ADAMTS19: variants seen among roughly 807,000 people sequenced by gnomAD.
ADAMTS19 encodes A disintegrin and metalloproteinase with thrombospondin motifs 19.
ADAMTS19 carries 93 observed loss-of-function variants against 153.3 expected under a neutral mutation model. The ratio of observed to expected loss-of-function variants is 0.61; its 90% CI spans 0.51 to 0.72. The LOEUF (loss-of-function observed/expected upper bound fraction) is 0.72. Among genes scored for constraint, ADAMTS19 ranks in the 30% least tolerant of loss-of-function variants. The pLI is 0.00. For synonymous variants in ADAMTS19, 600 were observed against 556.6 expected (o/e 1.08, Z -1.10); for missense variants, 1,482 against 1,552.1 (o/e 0.95, Z 0.76).
intron 21 of ADAMTS19, among the ~76,000 whole-genome samples, chr5:129,721,995 C>T (rs923086924): frequency 6.6e-5 from 10 of 152,224 alleles, no homozygotes; most frequent in African/African-American, 2.4e-4. Flanking sequence ...TTTATCCAAT[C>T]TATCACTGAT....
At chr5:129,602,206 C>G (rs530535037) in intron 8 of ADAMTS19, among the ~76,000 whole-genome samples, 1 of 152,328 alleles carries the variant, frequency 6.6e-6, no homozygotes, top group African/African-American at 2.4e-5. Context: ...GATTCTCCTG[C>G]CTCAGCCTCC....
At chr5:129,560,276 C>G (rs562769402) in intron 7 of ADAMTS19, among the ~76,000 whole-genome samples, 1 of 152,154 alleles carries the variant, frequency 6.6e-6, no homozygotes, top group African/African-American at 2.4e-5. Flanking sequence ...TTAAAGTAGA[C>G]AAGTTTTCAT....
At chr5:129,610,854 G>A (rs1751176237) in intron 8 of ADAMTS19, among the ~76,000 whole-genome samples, 1 of 152,158 alleles carries the variant, frequency 6.6e-6, no homozygotes, top group Non-Finnish European at 1.5e-5. Flanking sequence ...AGATCCCTGA[G>A]GAATCGCCAC....
chr5:129,624,073 G>A (rs1039594403), intron 10 of ADAMTS19, among the ~76,000 whole-genome samples: 55 of 136,960 alleles, frequency 4.0e-4, no homozygotes, highest in African/African-American at 1.3e-3. Context: ...CTTGCAGTGA[G>A]CCGAGAACGC....
chr5:129,650,624 A>T (rs1363556634), intron 13 of ADAMTS19, among the ~76,000 whole-genome samples: 1 of 152,176 alleles, frequency 6.6e-6, no homozygotes, highest in Non-Finnish European at 1.5e-5. Context: ...CAGTCCCTCC[A>T]GTTGTGGCCT....
In ADAMTS19 at chr5:129,461,438, C is replaced by T. The variant is rs944592426; in HGVS notation, c.428C>T (p.Pro143Leu). 5 of 1,423,990 alleles carry T rather than the reference C, an allele frequency of 3.5e-6. No homozygotes were observed. The African/African-American group carries it at 4.5e-5, about 13-fold the overall frequency. 88.2% of individuals were successfully genotyped at this position (1,423,990 alleles called of 1,614,324 possible). ...SGAAALSPGAPASWQPPPPPQ... is the reference protein window; with the variant it reads ...SGAAALSPGALASWQPPPPPQ... The stretch of plus-strand genomic sequence containing the variant: ...GCTGCCGCCTTGTCCCCGGGCGCCC[C>T]GGCCTCGTGGCAGCCGCCGCCTCCC... The change falls in exon 2 of 23, where the codon CCG becomes CTG. Residue 143 changes from proline (P) to leucine (L), a missense_variant. Pro to Leu is a moderately conservative substitution (Grantham distance 98). This residue lies in a region of ADAMTS19 where 866 missense variants were observed against 827.7 expected (regional missense o/e 1.05). Transcript: ENST00000274487. The surrounding 1 kb of genome is among the most constrained non-coding windows in gnomAD (Gnocchi z 4.6).
chr5:129,591,957 C>T (rs1750154629), intron 7 of ADAMTS19, among the ~76,000 whole-genome samples: 1 of 152,118 alleles, frequency 6.6e-6, no homozygotes, highest in African/African-American at 2.4e-5. Flanking sequence ...AGGTGTGTCA[C>T]ATAACATCTG....
chr5:129,704,184 CATCTAT>C lies in ADAMTS19; in HGVS notation c.3160-50_3160-45del, dbSNP rs1756036473. On this transcript the variant is annotated intron_variant, in intron 20 of 22. Transcript: ENST00000274487. Reference sequence around the variant, plus strand: ...GAAACCAGTACTTAATTGAGCCTATCATCTATATCTCCAATTCACCAACTTTATCTA... The same window carrying C: ...GAAACCAGTACTTAATTGAGCCTATCATCTCCAATTCACCAACTTTATCTA... 2.6e-6 allele frequency: 4 copies of C among 1,565,110 alleles called. No individual in the cohort carries two copies. The African/African-American group carries it at 4.1e-5, about 16-fold the overall frequency.
At chr5:129,693,492 T>G (rs1276806427) in intron 18 of ADAMTS19, among the ~76,000 whole-genome samples, 1 of 152,198 alleles carries the variant, frequency 6.6e-6, no homozygotes, top group African/African-American at 2.4e-5. Context: ...TACTTCTTCA[T>G]GATCAATCTG....
intron 14 of ADAMTS19, among the ~76,000 whole-genome samples, chr5:129,655,877 A>AATTT (rs1198321359): frequency 5.3e-5 from 8 of 152,290 alleles, no homozygotes; most frequent in Non-Finnish European, 1.0e-4. Context: ...ACTACATATT[A>AATTT]ATTTATTTTA....
intron 6 of ADAMTS19, among the ~76,000 whole-genome samples, chr5:129,547,848 C>G (rs1003400853): frequency 1.3e-5 from 2 of 150,704 alleles, no homozygotes; most frequent in African/African-American, 5.0e-5. Flanking sequence ...TGGAACAGAA[C>G]AGAGCCCTCA....
chr5:129,474,856 T>G (rs1459672135), intron 2 of ADAMTS19, among the ~76,000 whole-genome samples: 2 of 152,224 alleles, frequency 1.3e-5, no homozygotes, highest in Admixed American at 6.5e-5. Context: ...CATAGGTTCA[T>G]GCGCCAGTTC....
At chr5:129,566,861 T>C (rs1007703214) in intron 7 of ADAMTS19, among the ~76,000 whole-genome samples, 2 of 152,188 alleles carry the variant, frequency 1.3e-5, no homozygotes, top group East Asian at 3.9e-4. Context: ...CCCATGAGGA[T>C]GGGGTAGACG....
At chr5:129,714,435 A>G (rs1269864865) in intron 21 of ADAMTS19, among the ~76,000 whole-genome samples, 22 of 149,980 alleles carry the variant, frequency 1.5e-4, no homozygotes, top group Admixed American at 1.5e-3. Context: ...CAAAAAAAAA[A>G]AAAAAAAAGA....
chr5:129,508,441 A>G (rs1317060230), intron 2 of ADAMTS19, among the ~76,000 whole-genome samples: 4 of 151,948 alleles, frequency 2.6e-5, no homozygotes, highest in Non-Finnish European at 4.4e-5. Flanking sequence ...CTTTTTATTG[A>G]TCATAACTGT....
chr5:129,659,063 A>T (rs1753715852), intron 15 of ADAMTS19, among the ~76,000 whole-genome samples: 1 of 152,218 alleles, frequency 6.6e-6, no homozygotes, highest in East Asian at 1.9e-4. Context: ...CTACTGGAAA[A>T]TAATGATTTG....
At chr5:129,576,223 G>A (rs191870285) in intron 7 of ADAMTS19, among the ~76,000 whole-genome samples, 2 of 151,884 alleles carry the variant, frequency 1.3e-5, no homozygotes. Flanking sequence ...ACATACCATT[G>A]TCCCTGTGAT....
chr5:129,678,446 G>A (rs1056442435), intron 16 of ADAMTS19, among the ~76,000 whole-genome samples: 1 of 152,064 alleles, frequency 6.6e-6, no homozygotes, highest in South Asian at 2.1e-4. Flanking sequence ...CAGTTAGAGT[G>A]TAAGTTCCAT....
chr5:129,646,037 C>T (rs1234974198), intron 11 of ADAMTS19, among the ~76,000 whole-genome samples: 3 of 149,100 alleles, frequency 2.0e-5, no homozygotes, highest in East Asian at 2.0e-4. Flanking sequence ...TACAGGCGCC[C>T]GCCACTACGC....
Sources: allele counts gnomAD v4.1 joint callset (sites outside exome capture counted in the v4.1 genomes callset), GRCh38; gene constraint gnomAD v4.1.1; regional missense constraint gnomAD v4.1.1; non-coding constraint Gnocchi (gnomAD v3.1); transcripts MANE v1.5; gene names NCBI Gene and HGNC (gene_info 2026-07-23, HGNC 2026-07-21).